Variants in VWA3B observed in about 807,000 individuals in gnomAD.
VWA3B encodes the protein von Willebrand factor A domain-containing protein 3B.
VWA3B carries 138 observed loss-of-function variants against 158.3 expected under a neutral mutation model. The observed-to-expected ratio is 0.87, with a 90% CI of 0.76 to 1.00. VWA3B has a LOEUF of 1.00. VWA3B is among the 50% of genes least tolerant of loss of function. The pLI is 0.00. For missense variants in VWA3B, 1,555 were observed against 1,565.1 expected (o/e 0.99, Z 0.11); for synonymous variants, 596 against 587.3 (o/e 1.01, Z -0.21).
chr2:98,207,655 G>A, intron 12 of VWA3B: 1 of 453,732 alleles, frequency 2.2e-6, no homozygotes, highest in Non-Finnish European at 4.3e-6. Flanking sequence ...CCATCTCTCA[G>A]AACGGGCCTT....
At chr2:98,148,062 G>A (rs1396384640) in intron 7 of VWA3B, among the ~76,000 whole-genome samples, 1 of 152,154 alleles carries the variant, frequency 6.6e-6, no homozygotes, top group Admixed American at 6.5e-5. Context: ...TGGCTGCATA[G>A]TATTCCATGG....
rs368492542 is a variant in VWA3B, at chr2:98,270,805, T to A, written c.2967T>A (p.Ala989=). ...ELSMLESEIL[A]GKMYIQQAME... ...CGATGCTGGAAAGTGAAATCCTAGC[T>A]GGGAAAATGTACATCCAGCAGGCCA... The change falls in exon 22 of 28, where the codon GCT becomes GCA. Residue 989 remains alanine, a synonymous_variant. Coordinates refer to ENST00000477737, the MANE Select transcript of VWA3B (RefSeq NM_144992.5). The A allele has an allele frequency of 4.2e-5, 67 of 1,614,004 alleles. No individual in the cohort carries two copies. Among genetic ancestry groups the A allele is most frequent in the Non-Finnish European group, 5.3e-5 (63 of 1,180,002 alleles).
intron 19 of VWA3B, chr2:98,242,239 T>C: frequency 2.2e-6 from 1 of 456,216 alleles, no homozygotes; most frequent in Non-Finnish European, 4.4e-6. Context: ...TGGAACACAA[T>C]GCTGTTTTGG....
At chr2:98,283,136 C>T (rs994762380) in intron 22 of VWA3B, among the ~76,000 whole-genome samples, 11 of 152,272 alleles carry the variant, frequency 7.2e-5, no homozygotes, top group Non-Finnish European at 1.3e-4. Context: ...AATCTAGAGA[C>T]GAAAGAGGGC....
intron 12 of VWA3B, among the ~76,000 whole-genome samples, chr2:98,211,671 T>C (rs1170409575): frequency 1.3e-5 from 2 of 151,800 alleles, no homozygotes; most frequent in Admixed American, 1.3e-4. Flanking sequence ...AAAATAAAAT[T>C]GCATTAAGAG....
At chr2:98,172,847 G>A (rs929829694) in intron 8 of VWA3B, among the ~76,000 whole-genome samples, 4 of 152,146 alleles carry the variant, frequency 2.6e-5, no homozygotes, top group African/African-American at 9.7e-5. Flanking sequence ...AATAAAGGAC[G>A]CAATTGACTA....
intron 23 of VWA3B, among the ~76,000 whole-genome samples, chr2:98,296,617 C>T (rs1200666892): frequency 6.6e-6 from 1 of 152,166 alleles, no homozygotes; most frequent in Admixed American, 6.5e-5. Context: ...CTTTGCTTAG[C>T]AGGCACGTGA....
At chr2:98,159,926 C>G (rs146829632) in intron 7 of VWA3B, among the ~76,000 whole-genome samples, 376 of 151,606 alleles carry the variant, frequency 2.5e-3, no homozygotes, top group Non-Finnish European at 4.7e-3. Context: ...ACAAGAATCG[C>G]TTTAACCTGG....
chr2:98,161,379 G>A (rs938695821), intron 7 of VWA3B, among the ~76,000 whole-genome samples: 4 of 152,196 alleles, frequency 2.6e-5, no homozygotes, highest in Non-Finnish European at 5.9e-5. Flanking sequence ...TGAAGCTGTG[G>A]GGTGGGCCTT....
At chr2:98,164,047 C>T (rs118024042) in intron 8 of VWA3B, among the ~76,000 whole-genome samples, 3 of 152,126 alleles carry the variant, frequency 2.0e-5, no homozygotes, top group African/African-American at 2.4e-5. Context: ...GCTCAGTGAT[C>T]GGCTCGGCCA....
intron 7 of VWA3B, among the ~76,000 whole-genome samples, chr2:98,146,520 T>C (rs146370058): frequency 6.6e-6 from 1 of 152,306 alleles, no homozygotes; most frequent in East Asian, 1.9e-4. Flanking sequence ...AGTAGGCAGA[T>C]TTTGCTGTCA....
chr2:98,302,433 G>A (rs893984345), intron 25 of VWA3B, among the ~76,000 whole-genome samples: 5 of 152,156 alleles, frequency 3.3e-5, no homozygotes, highest in African/African-American at 9.7e-5. Flanking sequence ...TTGAATGAAC[G>A]ACATTCCTAA....
At chr2:98,269,034 A>G (rs1688040604) in intron 21 of VWA3B, among the ~76,000 whole-genome samples, 4 of 152,136 alleles carry the variant, frequency 2.6e-5, no homozygotes, top group Admixed American at 2.6e-4. Flanking sequence ...GGTCAAGAAT[A>G]TATCTCCATT....
At chr2:98,187,658 C>CTGTGTGTGTGTGTGTGTG (rs1389987333) in intron 9 of VWA3B, among the ~76,000 whole-genome samples, 29 of 109,916 alleles carry the variant, frequency 2.6e-4, no homozygotes, top group African/African-American at 9.7e-4. Context: ...CTCTCCGTCT[C>CTGTGTGTGTGTGTGTGTG]TGTGTCTGTG....
intron 2 of VWA3B, among the ~76,000 whole-genome samples, chr2:98,105,734 A>AAC (rs964921725): frequency 2.8e-4 from 42 of 151,444 alleles, no homozygotes; most frequent in African/African-American, 8.5e-4. Flanking sequence ...TCTCTTAAAA[A>AAC]ACACACACAC....
At chr2:98,222,160 G>A (rs1240937406) in intron 14 of VWA3B, among the ~76,000 whole-genome samples, 3 of 152,154 alleles carry the variant, frequency 2.0e-5, no homozygotes, top group Non-Finnish European at 4.4e-5. Context: ...ACTGAAGGAG[G>A]TAGTGCTAGG....
intron 21 of VWA3B, among the ~76,000 whole-genome samples, chr2:98,263,096 A>G (rs62156743): frequency 0.039 from 5,890 of 151,972 alleles, 168 homozygotes; most frequent in Middle Eastern, 0.075. Flanking sequence ...GTGTATAGAA[A>G]TGCAACTTAT....
At chr2:98,257,193 G>A (rs1316469648) in intron 21 of VWA3B, among the ~76,000 whole-genome samples, 2 of 151,922 alleles carry the variant, frequency 1.3e-5, no homozygotes, top group African/African-American at 2.4e-5. Context: ...TCCTACAGAT[G>A]GGTGAGAACT....
intron 8 of VWA3B, among the ~76,000 whole-genome samples, chr2:98,165,098 G>A (rs999592904): frequency 6.6e-6 from 1 of 152,204 alleles, no homozygotes; most frequent in African/African-American, 2.4e-5. Context: ...TAGGGGAGTT[G>A]GTACACGGAT....
Sources: allele counts gnomAD v4.1 joint callset (sites outside exome capture counted in the v4.1 genomes callset), GRCh38; gene constraint gnomAD v4.1.1; transcripts MANE v1.5; gene names NCBI Gene and HGNC (gene_info 2026-07-23, HGNC 2026-07-21).